Variants in ZAN observed in about 807,000 individuals in gnomAD.
ZAN encodes the protein zonadhesin (gene/pseudogene).
Under a neutral mutation model 286.2 loss-of-function variants are expected in ZAN, and 260 were observed. That is an observed-to-expected ratio of 0.91 (90% confidence interval 0.82 to 1.01). The LOEUF is 1.01. Among genes scored for constraint, ZAN ranks in the 50% least tolerant of loss-of-function variants. The pLI, the probability that ZAN is intolerant of heterozygous loss-of-function variation, is 0.00. For synonymous variants in ZAN, 1,368 were observed against 1,417.5 expected, an observed-to-expected ratio of 0.97 and a Z score of 0.79; for missense variants, 3,410 against 3,639.2, an observed-to-expected ratio of 0.94 and a Z score of 1.62.
intron 39 of ZAN, 135 bp downstream of exon 39, chr7:100,789,482 G>A: frequency 7.1e-6 from 10 of 1,418,194 alleles, no homozygotes; most frequent in Non-Finnish European, 9.5e-6. Context: ...AGGAGGACCA[G>A]GAGGAGGTGA....
At position 100,787,909 on chromosome 7, in the gene ZAN, T is replaced by A; in HGVS notation, c.7000T>A (p.Tyr2334Asn). Reference sequence around the variant, plus strand: ...GGCAGAGTCTGAACAATGCTCAGTCTATGGCGACCCCCGTTACCTCACATT... The same window carrying A: ...GGCAGAGTCTGAACAATGCTCAGTCAATGGCGACCCCCGTTACCTCACATT... ...VSDKSEQCSV[Y>N]GDPRYLTFDG... is the part of the protein sequence containing the mutation. The change falls in exon 38 of 48, where the codon TAT becomes AAT. Residue 2334 changes from tyrosine (Y) to asparagine (N), a missense_variant. Transcript: ENST00000613979. The A allele has an allele frequency of 1.3e-6, 2 of 1,544,966 alleles. No homozygotes were observed. The highest frequency in any genetic ancestry group is 1.8e-6 in the Non-Finnish European group (2 of 1,132,834).
chr7:100,753,225 T>C lies in ZAN; in HGVS notation c.3120T>C (p.Ser1040=). The change falls in exon 14 of 48, where the codon AGT becomes AGC. Residue 1040 remains serine (S), a synonymous_variant. Coordinates refer to ENST00000613979, the MANE Select transcript of ZAN (RefSeq NM_003386.3). ...GCACTACCACAACCTCCAGATCCAG[T>C]ACAGGTATGAGGTGGATGGAGCGTG... ...ILGTTTTSRS[S]TERCPPNARY... 1 of 1,592,258 alleles carries C rather than the reference T, an allele frequency of 6.3e-7. No individual in the cohort carries two copies. The highest frequency in any genetic ancestry group is 8.6e-7 in the Non-Finnish European group (1 of 1,169,152).
intron 31 of ZAN, among the ~76,000 whole-genome samples, chr7:100,774,947 T>TG (rs71126335): frequency 6.6e-6 from 1 of 151,816 alleles, no homozygotes; most frequent in Non-Finnish European, 1.5e-5. Context: ...TTTGTTTGTT[T>TG]TTGATGCAGT....
At chr7:100,771,410 C>T (rs910142659) in intron 28 of ZAN, among the ~76,000 whole-genome samples, 4 of 151,168 alleles carry the variant, frequency 2.6e-5, no homozygotes, top group African/African-American at 9.7e-5. Context: ...ATTGCTCAGG[C>T]TGGAAAATCC....
At chr7:100,746,808 A>C in intron 8 of ZAN, 106 bp downstream of exon 8, 1 of 1,336,100 alleles carries the variant, frequency 7.5e-7, no homozygotes, top group Admixed American at 2.0e-5. Flanking sequence ...GAGGTCTGGA[A>C]TATGTGCGAG....
chr7:100,775,901 G>C (rs778079423), intron 33 of ZAN, 68 bp downstream of exon 33: 37 of 1,576,556 alleles, frequency 2.3e-5, no homozygotes, highest in Non-Finnish European at 2.8e-5. Flanking sequence ...CGGCAGGGAT[G>C]GGGGGCAGTG....
chr7:100,766,458 G>A, intron 23 of ZAN, 67 bp from the exon 24 acceptor site: 2 of 1,502,968 alleles, frequency 1.3e-6, no homozygotes, highest in Non-Finnish European at 8.9e-7. Context: ...TCTGGTGTCA[G>A]ATCTGGGAAA....
intron 7 of ZAN, among the ~76,000 whole-genome samples, chr7:100,743,653 G>C (rs564567712): frequency 6.6e-6 from 1 of 152,060 alleles, no homozygotes; most frequent in East Asian, 1.9e-4. Flanking sequence ...GAGGTGGGCA[G>C]ATCACTTGAG....
intron 36 of ZAN, 146 bp from the exon 37 acceptor site, chr7:100,785,851 G>A (rs1282881344): frequency 9.5e-7 from 1 of 1,049,858 alleles, no homozygotes; most frequent in Non-Finnish European, 1.3e-6. Context: ...TAGAGACAGG[G>A]TTTCACCATG....
intron 7 of ZAN, among the ~76,000 whole-genome samples, chr7:100,745,008 C>G (rs944699284): frequency 6.6e-6 from 1 of 151,354 alleles, no homozygotes; most frequent in Non-Finnish European, 1.5e-5. Flanking sequence ...CTCAGCCTCC[C>G]GAGTAGCTGG....
At chr7:100,753,733 T>C (rs1562927771) in intron 14 of ZAN, among the ~76,000 whole-genome samples, 1 of 147,668 alleles carries the variant, frequency 6.8e-6, no homozygotes. Context: ...CTCGGGAGGC[T>C]GAGGTGGGAG....
Position 100,797,787 on chromosome 7 carries a change from T to C in ZAN, c.*55T>C, listed in dbSNP as rs1255411614. ...AGAAGATTAAATAAATTTATATATT[T>C]ATTTATTTGAGACAGGGTCTTGCTC... On this transcript the variant is annotated 3_prime_UTR_variant, in exon 48 of 48. Transcript: ENST00000613979. 3 of 1,580,224 alleles carry C rather than the reference T, an allele frequency of 1.9e-6. No homozygotes were observed. Among genetic ancestry groups the C allele is most frequent in the Admixed American group, 1.7e-5 (1 of 58,464 alleles).
chr7:100,767,825 C>T lies in ZAN; in HGVS notation c.4861-6C>T. 1 of 1,611,668 alleles carries T rather than the reference C, an allele frequency of 6.2e-7. No homozygotes were observed. Among genetic ancestry groups the T allele is most frequent in the Admixed American group, 1.7e-5 (1 of 59,548 alleles). Reference sequence around the variant, plus strand: ...TCTCCTTTCTACGTCCTCCCTGCCTCTGCAGCTGAATGGCCATCGGGTGGC... The same window carrying T: ...TCTCCTTTCTACGTCCTCCCTGCCTTTGCAGCTGAATGGCCATCGGGTGGC... On this transcript the variant is annotated splice_region_variant and splice_polypyrimidine_tract_variant and intron_variant, in intron 25 of 47. Transcript: ENST00000613979.
intron 14 of ZAN, among the ~76,000 whole-genome samples, chr7:100,754,207 C>A (rs1808988506): frequency 6.6e-6 from 1 of 152,022 alleles, no homozygotes; most frequent in Non-Finnish European, 1.5e-5. Flanking sequence ...GCCTGTAATC[C>A]CAACACTTTG....
chr7:100,733,928 CT>C (rs1176033125), intron 1 of ZAN, 98 bp from the exon 2 acceptor site: 45 of 342,452 alleles, frequency 1.3e-4, no homozygotes, highest in South Asian at 1.8e-4. Context: ...GTTTCTTTCT[CT>C]TTTTTTTTCT....
At chr7:100,760,794 G>A (rs865965266) in intron 19 of ZAN, among the ~76,000 whole-genome samples, 1 of 152,212 alleles carries the variant, frequency 6.6e-6, no homozygotes, top group Non-Finnish European at 1.5e-5. Flanking sequence ...GCTAGAAGGA[G>A]CACTAGTGAG....
intron 15 of ZAN, among the ~76,000 whole-genome samples, chr7:100,756,644 C>A (rs1198536517): frequency 2.0e-5 from 3 of 152,020 alleles, no homozygotes; most frequent in Admixed American, 6.6e-5. Flanking sequence ...TCTGTCACAA[C>A]CATTGGCACC....
chr7:100,790,941 G>A lies in ZAN; in HGVS notation c.7358-1G>A, dbSNP rs1156820962. 1.2e-6 allele frequency: 2 copies of A among 1,608,146 alleles called. No homozygotes were observed. The highest frequency in any genetic ancestry group is 8.5e-7 in the Non-Finnish European group (1 of 1,177,446). On this transcript the variant is annotated splice_acceptor_variant, in intron 39 of 47. Transcript: ENST00000613979. LOFTEE classifies it high-confidence loss of function. Reference sequence around the variant, plus strand: ...TTCTGGGGACCCCCTTCCTCCCGCAGTGATCTCCCTACCCAGCATGTACGA... The same window carrying A: ...TTCTGGGGACCCCCTTCCTCCCGCAATGATCTCCCTACCCAGCATGTACGA...
rs373196932 is a variant in ZAN, at chr7:100,750,822, C to T, written c.1447C>T (p.Arg483Cys). The T allele has an allele frequency of 2.2e-4, 357 of 1,602,710 alleles. No individual in the cohort carries two copies. The highest frequency in any genetic ancestry group is 2.9e-4 in the Non-Finnish European group (337 of 1,173,150). ...AGSPPIPLWK[R>C]VGSQRPYWQN... ...GAGTCCCCCGATTCCTCTCTGGAAA[C>T]GCGTGGGGTCTCAGCGCCCTTACTG... The change falls in exon 12 of 48, where the codon CGC becomes TGC. Residue 483 changes from arginine (R) to cysteine (C), a missense_variant. By Grantham distance (180) the Arg-to-Cys change is radical. This residue lies in a region of ZAN where 872 missense variants were observed against 938.9 expected (regional missense o/e 0.93). Coordinates refer to ENST00000613979, the MANE Select transcript of ZAN (RefSeq NM_003386.3).
Sources: gnomAD v4.1 joint callset for allele counts (sites outside exome capture counted in the v4.1 genomes callset) on GRCh38, gnomAD v4.1.1 for gene constraint, gnomAD v4.1.1 regional missense constraint, MANE v1.5 for transcripts, NCBI Gene and HGNC (gene_info 2026-07-23, HGNC 2026-07-21) for gene names.